Variants in CCDC178 observed in about 807,000 individuals in gnomAD.
CCDC178 encodes the protein coiled-coil domain containing 178.
CCDC178 carries 126 observed loss-of-function variants against 117.4 expected under a neutral mutation model. The observed-to-expected ratio is 1.07, with a 90% CI of 0.93 to 1.24. CCDC178 has a LOEUF of 1.24. CCDC178 is among the 50% of genes most tolerant of loss of function. CCDC178 has a pLI of 0.00. For missense variants in CCDC178, 1,030 were observed against 986.9 expected (o/e 1.04, Z -0.59); for synonymous variants, 283 against 313.4 (o/e 0.90, Z 1.02).
Position 33,224,766 on chromosome 18 carries a change from A to T in CCDC178, c.1818+9T>A. The T allele has an allele frequency of 2.1e-6, 3 of 1,460,830 alleles. No individual in the cohort carries two copies. Among genetic ancestry groups the T allele is most frequent in the South Asian group, 1.4e-5 (1 of 69,372 alleles). The allele number at this position is 1,460,830 out of a possible 1,614,324, so 90.5% of individuals were successfully genotyped here. A position where few individuals can be genotyped will look rare whatever the true frequency, so the allele number is the denominator to read the frequency against. ...TGCACATTAATTTTTGGATTAATTA[A>T]ATGCTTACAACAGAATGTTCTTTGT... On this transcript the variant is annotated intron_variant, in intron 17 of 22. Coordinates refer to ENST00000383096, the MANE Select transcript of CCDC178 (RefSeq NM_001105528.4).
intron 20 of CCDC178, among the ~76,000 whole-genome samples, chr18:33,144,500 C>G (rs1387414973): frequency 6.6e-6 from 1 of 151,872 alleles, no homozygotes; most frequent in Non-Finnish European, 1.5e-5. Context: ...GCAGAAGCAG[C>G]TCGATTCAAT....
intron 20 of CCDC178, among the ~76,000 whole-genome samples, chr18:33,211,256 A>G (rs1023907178): frequency 6.6e-6 from 1 of 151,924 alleles, no homozygotes; most frequent in African/African-American, 2.4e-5. Flanking sequence ...ATATTTTTAA[A>G]TGTAATTTAA....
chr18:33,398,638 C>T, intron 3 of CCDC178, among the ~76,000 whole-genome samples: 1 of 152,092 alleles, frequency 6.6e-6, no homozygotes, highest in East Asian at 1.9e-4. Flanking sequence ...AGTGTTAATA[C>T]ATATTTGCTG....
At chr18:33,431,976 T>G (rs556453787) in intron 2 of CCDC178, among the ~76,000 whole-genome samples, 3 of 152,168 alleles carry the variant, frequency 2.0e-5, no homozygotes, top group African/African-American at 7.2e-5. Flanking sequence ...AGCAAGGCTA[T>G]GGTAGCAGCA....
chr18:33,195,735 G>T (rs1027263963), intron 20 of CCDC178, among the ~76,000 whole-genome samples: 3 of 152,072 alleles, frequency 2.0e-5, no homozygotes, highest in African/African-American at 7.2e-5. Context: ...AACTTCTTAG[G>T]ACACAAGGCT....
chr18:33,237,666 G>C (rs1011890441), intron 15 of CCDC178, among the ~76,000 whole-genome samples: 57 of 152,052 alleles, frequency 3.7e-4, no homozygotes, highest in African/African-American at 1.4e-3. Context: ...AGGCCAGCGA[G>C]GAAACCATAT....
At chr18:33,106,698 G>A (rs1598889243) in intron 20 of CCDC178, among the ~76,000 whole-genome samples, 1 of 151,790 alleles carries the variant, frequency 6.6e-6, no homozygotes, top group South Asian at 2.1e-4. Flanking sequence ...TATGACTAAG[G>A]TTACAGATTT....
chr18:33,047,397 T>G (rs1040483077), intron 21 of CCDC178, among the ~76,000 whole-genome samples: 2 of 152,168 alleles, frequency 1.3e-5, no homozygotes, highest in Admixed American at 6.6e-5. Flanking sequence ...GGGTTTCATT[T>G]TTGTGATATA....
At chr18:33,093,081 C>T (rs117183403) in intron 20 of CCDC178, among the ~76,000 whole-genome samples, 171 bp from the exon 21 acceptor site, 2,039 of 151,956 alleles carry the variant, frequency 0.013, 23 homozygotes, top group Non-Finnish European at 0.022. Context: ...ATACCAATAT[C>T]CTTTGTTGAT....
At chr18:33,326,868 C>A (rs1264549908) in intron 10 of CCDC178, among the ~76,000 whole-genome samples, 1 of 151,890 alleles carries the variant, frequency 6.6e-6, no homozygotes, top group Admixed American at 6.6e-5. Flanking sequence ...AGAGGTATAG[C>A]AGACTCCCTT....
intron 21 of CCDC178, among the ~76,000 whole-genome samples, chr18:33,060,714 T>C (rs1435773054): frequency 6.6e-6 from 1 of 152,126 alleles, no homozygotes; most frequent in Non-Finnish European, 1.5e-5. Flanking sequence ...ATAAAGTTTG[T>C]TCATTCGAAG....
intron 20 of CCDC178, among the ~76,000 whole-genome samples, chr18:33,123,436 G>GT (rs2057962908): frequency 1.3e-5 from 2 of 152,072 alleles, no homozygotes; most frequent in South Asian, 4.1e-4. Flanking sequence ...TCAAATTCAA[G>GT]TTTAGCATTG....
At chr18:33,106,507 A>G (rs1358456279) in intron 20 of CCDC178, among the ~76,000 whole-genome samples, 1 of 151,678 alleles carries the variant, frequency 6.6e-6, no homozygotes, top group East Asian at 1.9e-4. Flanking sequence ...CAGACTCCTG[A>G]ACATTATTTT....
chr18:33,237,012 C>T (rs1238736591), intron 15 of CCDC178, among the ~76,000 whole-genome samples: 1 of 152,166 alleles, frequency 6.6e-6, no homozygotes, highest in African/African-American at 2.4e-5. Context: ...TGTTGCATTG[C>T]TTCAAATTAG....
chr18:33,073,451 T>G (rs983181892), intron 21 of CCDC178, among the ~76,000 whole-genome samples: 1 of 152,170 alleles, frequency 6.6e-6, no homozygotes, highest in Non-Finnish European at 1.5e-5. Flanking sequence ...TCTGTATTAC[T>G]GTATATTGAA....
rs749304300 is a variant in CCDC178, at chr18:33,333,317, C to T, written c.736G>A (p.Glu246Lys). The T allele has an allele frequency of 6.2e-7, 1 of 1,612,524 alleles. No homozygotes were observed. The highest frequency in any genetic ancestry group is 8.5e-7 in the Non-Finnish European group (1 of 1,179,208). Residue 246 changes from glutamate to lysine, a missense_variant, in exon 10 of 23, where the codon GAA (glutamate) becomes AAA (lysine). Coordinates refer to ENST00000383096, the MANE Select transcript of CCDC178 (RefSeq NM_001105528.4). ...EDKANQLQHF[E>K]KQKTELEEAN... Reference sequence around the variant, plus strand: ...TCTTCTAACTCTGTCTTTTGTTTTTCAAAATGTTGTAGTTGATTAGCTTTA... The same window carrying T: ...TCTTCTAACTCTGTCTTTTGTTTTTTAAAATGTTGTAGTTGATTAGCTTTA...
intron 14 of CCDC178, among the ~76,000 whole-genome samples, chr18:33,248,845 G>C (rs894898681): frequency 3.3e-5 from 5 of 152,084 alleles, no homozygotes; most frequent in African/African-American, 1.2e-4. Context: ...TCGCCACACT[G>C]TCTTCCACAA....
chr18:33,316,060 G>A (rs1012874362), intron 11 of CCDC178, among the ~76,000 whole-genome samples: 3 of 152,176 alleles, frequency 2.0e-5, no homozygotes, highest in African/African-American at 7.2e-5. Context: ...AGGTGACAGC[G>A]TGCTGGCAGT....
chr18:33,022,308 GA>G (rs981240065), intron 21 of CCDC178, among the ~76,000 whole-genome samples: 13 of 152,126 alleles, frequency 8.5e-5, no homozygotes, highest in African/African-American at 2.4e-4. Context: ...ACGTTAGGAA[GA>G]AAAAAATGTG....
Sources: gnomAD v4.1 joint callset for allele counts (sites outside exome capture counted in the v4.1 genomes callset) on GRCh38, gnomAD v4.1.1 for gene constraint, MANE v1.5 for transcripts, NCBI Gene and HGNC (gene_info 2026-07-23, HGNC 2026-07-21) for gene names.